RAB6B: variants seen among roughly 807,000 people sequenced by gnomAD.
RAB6B encodes ras-related protein Rab-6B.
A neutral mutation model predicts 31.2 loss-of-function variants in RAB6B; 7 were observed. That is an observed-to-expected ratio of 0.22 (90% CI 0.13 to 0.42). The LOEUF is 0.42. RAB6B is among the 10% of genes least tolerant of loss of function. RAB6B has a pLI of 1.00. For synonymous variants in RAB6B, 105 were observed against 104.9 expected, an observed-to-expected ratio of 1.00 and a Z score of -0.01; for missense variants, 149 against 280.6, an observed-to-expected ratio of 0.53 and a Z score of 3.35.
chr3:133,834,550 C>A, intron 7 of RAB6B, 25 bp downstream of exon 7: 1 of 1,595,056 alleles, frequency 6.3e-7, no homozygotes, highest in Non-Finnish European at 8.6e-7. Context: ...CATCTTTTCA[C>A]TCACTTGTCA....
At chr3:133,878,306 T>C (rs1936423813) in intron 1 of RAB6B, among the ~76,000 whole-genome samples, 1 of 152,136 alleles carries the variant, frequency 6.6e-6, no homozygotes, top group South Asian at 2.1e-4. Context: ...AGACACATTA[T>C]GTACAGAGAA....
At chr3:133,856,738 T>A (rs185531153) in intron 2 of RAB6B, among the ~76,000 whole-genome samples, 17 of 152,306 alleles carry the variant, frequency 1.1e-4, no homozygotes, top group Admixed American at 9.8e-4. Flanking sequence ...AGTTCTTAGA[T>A]GCCCTCAAAA....
chr3:133,866,379 T>G (rs888955318), intron 1 of RAB6B, among the ~76,000 whole-genome samples: 1 of 152,106 alleles, frequency 6.6e-6, no homozygotes, highest in Non-Finnish European at 1.5e-5. Context: ...TCCTCCTTGA[T>G]AGGTCATGCT....
At chr3:133,891,187 G>A (rs148933396) in intron 1 of RAB6B, among the ~76,000 whole-genome samples, 4 of 152,256 alleles carry the variant, frequency 2.6e-5, no homozygotes, top group Admixed American at 2.0e-4. Flanking sequence ...CAGGCAGTGG[G>A]GGCCACTGAA....
chr3:133,857,149 C>T (rs7632456), intron 2 of RAB6B, among the ~76,000 whole-genome samples: 93,390 of 151,950 alleles, frequency 0.61, 29,749 homozygotes, highest in African/African-American at 0.72. Context: ...GGTTTCTGTA[C>T]AGTAATGCAC....
At chr3:133,844,809 G>A (rs1218980269) in intron 2 of RAB6B, among the ~76,000 whole-genome samples, 3 of 152,004 alleles carry the variant, frequency 2.0e-5, no homozygotes, top group Non-Finnish European at 4.4e-5. Flanking sequence ...CAGGTGTGGT[G>A]GTGCCTGCCT....
At chr3:133,879,119 C>T (rs1435178726) in intron 1 of RAB6B, among the ~76,000 whole-genome samples, 2 of 152,182 alleles carry the variant, frequency 1.3e-5, no homozygotes, top group African/African-American at 4.8e-5. Flanking sequence ...AAATGCCTAT[C>T]TCACAGAATT....
intron 1 of RAB6B, among the ~76,000 whole-genome samples, chr3:133,882,491 T>C (rs116994462): frequency 2.0e-5 from 3 of 152,346 alleles, no homozygotes; most frequent in East Asian, 1.9e-4. Flanking sequence ...CTTTACTCTT[T>C]ACTCCACCTC....
intron 1 of RAB6B, among the ~76,000 whole-genome samples, chr3:133,888,206 T>C (rs1191188582): frequency 1.3e-5 from 2 of 152,234 alleles, no homozygotes; most frequent in Admixed American, 6.5e-5. Context: ...GAATTCTAAT[T>C]CTGCCACACT....
chr3:133,893,667 A>T (rs1005220797), intron 1 of RAB6B, among the ~76,000 whole-genome samples: 1 of 152,208 alleles, frequency 6.6e-6, no homozygotes, highest in African/African-American at 2.4e-5. Flanking sequence ...GAAGTAAGAG[A>T]ATTGTCTTCA....
At chr3:133,881,027 G>A (rs1426982019) in intron 1 of RAB6B, among the ~76,000 whole-genome samples, 2 of 152,210 alleles carry the variant, frequency 1.3e-5, no homozygotes, top group Admixed American at 1.3e-4. Flanking sequence ...TGTGTCTCTA[G>A]CCCTTATGGA....
At chr3:133,835,472 C>CTGTGTG (rs3840183) in intron 6 of RAB6B, among the ~76,000 whole-genome samples, 20 of 146,744 alleles carry the variant, frequency 1.4e-4, no homozygotes, top group African/African-American at 5.0e-4. Flanking sequence ...TGTGGGTTTT[C>CTGTGTG]TGTGTGTGTG....
At chr3:133,879,999 C>T (rs1288898561) in intron 1 of RAB6B, among the ~76,000 whole-genome samples, 1 of 152,210 alleles carries the variant, frequency 6.6e-6, no homozygotes, top group East Asian at 1.9e-4. Context: ...CAACCCAACT[C>T]TGGCCAGACC....
rs535459852 is a variant in RAB6B, at chr3:133,841,994, C to T, written c.130-331G>A. Among the ~76,000 whole-genome samples the T allele has an allele frequency of 1.4e-3, 211 of 152,348 alleles. 3 individuals carry two copies. The highest frequency in any genetic ancestry group is 4.9e-3 in the African/African-American group (203 of 41,584). Reference sequence around the variant, plus strand: ...CACTCAACGCACATATCCTGCCCTCCCCACCTGGACTCCCTGCCTTGTTCC... The same window carrying T: ...CACTCAACGCACATATCCTGCCCTCTCCACCTGGACTCCCTGCCTTGTTCC... On this transcript the variant is annotated intron_variant, in intron 2 of 7. Coordinates refer to ENST00000285208, the MANE Select transcript of RAB6B (RefSeq NM_016577.4).
chr3:133,857,865 T>C (rs980539448), intron 2 of RAB6B, among the ~76,000 whole-genome samples: 15 of 152,272 alleles, frequency 9.9e-5, no homozygotes, highest in Non-Finnish European at 1.6e-4. Flanking sequence ...CACTGTTCGT[T>C]GGCCCCTTCC....
chr3:133,871,557 T>C (rs1232808844), intron 1 of RAB6B, among the ~76,000 whole-genome samples: 1 of 152,246 alleles, frequency 6.6e-6, no homozygotes, highest in Non-Finnish European at 1.5e-5. Flanking sequence ...TCTTGTCTTG[T>C]GCCCACATCA....
chr3:133,861,410 G>A (rs1936159536), intron 2 of RAB6B, among the ~76,000 whole-genome samples: 3 of 152,164 alleles, frequency 2.0e-5, no homozygotes, highest in East Asian at 1.9e-4. Flanking sequence ...GGCAAGAGGA[G>A]GTAGAAGACC....
chr3:133,840,052 G>A (rs1300860721), intron 4 of RAB6B, among the ~76,000 whole-genome samples: 1 of 152,126 alleles, frequency 6.6e-6, no homozygotes, highest in Non-Finnish European at 1.5e-5. Context: ...GGTGGGCAGA[G>A]GAGGACACAG....
intron 7 of RAB6B, 35 bp from the exon 8 acceptor site, chr3:133,828,887 T>G (rs1026296297): frequency 6.4e-7 from 1 of 1,552,526 alleles, no homozygotes; most frequent in East Asian, 2.3e-5. Context: ...ATGACTCTCC[T>G]GGACAAGCTG....
Sources: allele counts gnomAD v4.1 joint callset (sites outside exome capture counted in the v4.1 genomes callset), GRCh38; gene constraint gnomAD v4.1.1; transcripts MANE v1.5; gene names NCBI Gene and HGNC (gene_info 2026-07-23, HGNC 2026-07-21).